Variants in FST observed in about 807,000 individuals in gnomAD.
FST encodes the protein activin-binding protein.
FST carries 6 observed loss-of-function variants against 38.4 expected under a neutral mutation model. The observed-to-expected ratio is 0.16, with a 90% CI of 0.09 to 0.31. The LOEUF (loss-of-function observed/expected upper bound fraction) is 0.31, where lower values mean the gene tolerates loss of function less well. FST is among the 10% of genes least tolerant of loss of function. The pLI, the probability that FST is intolerant of heterozygous loss-of-function variation, is 1.00. For synonymous variants in FST, 157 were observed against 169.8 expected (o/e 0.92, Z 0.59); for missense variants, 301 against 432.3 (o/e 0.70, Z 2.69).
intron 1 of FST, chr5:53,482,659 T>A: frequency 3.2e-5 from 13 of 409,854 alleles, no homozygotes; most frequent in Non-Finnish European, 4.0e-5. Context: ...CCACCTCCCA[T>A]CTCTGTGATC....
At position 53,480,802 on chromosome 5, in the gene FST, C is replaced by A; in HGVS notation, c.11C>A (p.Ala4Glu). 2 of 1,507,512 alleles carry A rather than the reference C, an allele frequency of 1.3e-6. No homozygotes were observed. The allele number at this position is 1,507,512 out of a possible 1,614,324, so 93.4% of individuals were successfully genotyped here. A position where few individuals can be genotyped will look rare whatever the true frequency, so the allele number is the denominator to read the frequency against. Residue 4 changes from alanine to glutamate, a missense_variant, in exon 1 of 6, where the codon GCG (alanine) becomes GAG (glutamate). Coordinates refer to ENST00000256759, the MANE Select transcript of FST (RefSeq NM_013409.3). MVR[A>E]RHQPGGLCLL... Reference sequence around the variant, plus strand: ...GCGCCTGCCCCCAGGATGGTCCGCGCGAGGCACCAGCCGGGTGGGCTTTGC... The same window carrying A: ...GCGCCTGCCCCCAGGATGGTCCGCGAGAGGCACCAGCCGGGTGGGCTTTGC...
chr5:53,484,360 TAACTAATAAGTAAAGCCCAA>T, intron 4 of FST, 67 bp downstream of exon 4: 1 of 1,531,154 alleles, frequency 6.5e-7, no homozygotes, highest in Non-Finnish European at 8.8e-7. Context: ...ACTGTGGGGT[TAACTAATAAGTAAAGCCCAA>T]GGCGTCCCCA....
rs754474265 is a variant in FST at position 53,485,196 on chromosome 5, A to C, written c.921A>C (p.Leu307=). The C allele has an allele frequency of 3.9e-5, 63 of 1,608,698 alleles. No homozygotes were observed. The highest frequency in any genetic ancestry group is 5.3e-5 in the Non-Finnish European group (62 of 1,175,146). The change falls in exon 5 of 6, where the codon CTA becomes CTC. Residue 307 remains leucine, a synonymous_variant. Coordinates refer to ENST00000256759, the MANE Select transcript of FST (RefSeq NM_013409.3). ...MKEAACSSGV[L]LEVKHSGSCN... The stretch of plus-strand genomic sequence containing the variant: ...AAGCTGCCTGCTCCTCAGGTGTGCT[A>C]CTGGAAGTAAAGCACTCCGGATCTT...
Position 53,486,872 on chromosome 5 carries a change from G to C in FST, c.*839G>C, listed in dbSNP as rs1202309103. 1 of 152,214 alleles carries C rather than the reference G, an allele frequency of 6.6e-6. No homozygotes were observed. Among genetic ancestry groups the C allele is most frequent in the Non-Finnish European group, 1.5e-5 (1 of 68,034 alleles). The allele number at this position is 152,214 out of a possible 1,614,324, so 9.4% of individuals were successfully genotyped here. A position where few individuals can be genotyped will look rare whatever the true frequency, so the allele number is the denominator to read the frequency against. On this transcript the variant is annotated 3_prime_UTR_variant, in exon 6 of 6. Coordinates refer to ENST00000256759, the MANE Select transcript of FST (RefSeq NM_013409.3). ...GGTGTTTCCTTTAAGCTACTCAGCT[G>C]TACCTTTTAAATTAGTTCTTTTTCA...
Position 53,483,703 on chromosome 5 carries a change from G to A in FST, c.477G>A (p.Gln159=), listed in dbSNP as rs757315989. ...AAGAGCAGCCAGAACTGGAAGTCCAGTACCAAGGCAGATGTAAAAGTAGGT... is the reference window on the plus strand; with the variant it reads ...AAGAGCAGCCAGAACTGGAAGTCCAATACCAAGGCAGATGTAAAAGTAGGT... The part of the protein sequence containing the change: ...RCKEQPELEV[Q]YQGRCKKTCR... Residue 159 remains glutamine, a synonymous_variant, in exon 3 of 6, where the codon CAG becomes CAA. Transcript: ENST00000256759. The surrounding 1 kb of genome is among the most constrained non-coding windows in gnomAD (Gnocchi z 4.1). The A allele has an allele frequency of 1.9e-6, 3 of 1,613,714 alleles. No individual in the cohort carries two copies. The highest frequency in any genetic ancestry group is 2.5e-6 in the Non-Finnish European group (3 of 1,179,596).
chr5:53,485,553 T>G lies in FST; in HGVS notation c.952+326T>G. 6 of 728,636 alleles carry G rather than the reference T, an allele frequency of 8.2e-6. 1 individual carries two copies. Among genetic ancestry groups the G allele is most frequent in the Non-Finnish European group, 1.5e-5 (6 of 407,862 alleles). 45.1% of individuals were successfully genotyped at this position (728,636 alleles called of 1,614,324 possible). The stretch of plus-strand genomic sequence containing the variant: ...AAACTAACTGCTTCAAAAGTTTTTT[T>G]TTTTTTTTTCCAACGACAGCTTCAT... On this transcript the variant is annotated intron_variant, in intron 5 of 5. Transcript: ENST00000256759.
In FST at chr5:53,486,535, C is replaced by G. The variant is rs1351461180; in HGVS notation, c.*502C>G. On this transcript the variant is annotated 3_prime_UTR_variant, in exon 6 of 6. Coordinates refer to ENST00000256759, the MANE Select transcript of FST (RefSeq NM_013409.3). The stretch of plus-strand genomic sequence containing the variant: ...TTCCACTTTCAACAAACTTGCATGT[C>G]AGTTTCTGTCATGTTTATTTATTGG... The G allele has an allele frequency of 6.5e-6, 1 of 153,104 alleles. No individual in the cohort carries two copies. Among genetic ancestry groups the G allele is most frequent in the Non-Finnish European group, 1.5e-5 (1 of 68,832 alleles). The allele number at this position is 153,104 out of a possible 1,614,324, so 9.5% of individuals were successfully genotyped here.
At position 53,486,250 on chromosome 5, in the gene FST, T is replaced by C; in HGVS notation, c.*217T>C. 1 of 406,482 alleles carries C rather than the reference T, an allele frequency of 2.5e-6. No individual in the cohort carries two copies. The highest frequency in any genetic ancestry group is 4.3e-5 in the Admixed American group (1 of 23,024). The allele number at this position is 406,482 out of a possible 1,614,324, so 25.2% of individuals were successfully genotyped here. ...ACACGGAGAGGCATTCATTGTGAGG[T>C]CTACTGGATGAGGCCCATAGTTGAG... On this transcript the variant is annotated 3_prime_UTR_variant, in exon 6 of 6. Coordinates refer to ENST00000256759, the MANE Select transcript of FST (RefSeq NM_013409.3).
chr5:53,480,887 G>T lies in FST; in HGVS notation c.85+11G>T. On this transcript the variant is annotated intron_variant, in intron 1 of 5. Coordinates refer to ENST00000256759, the MANE Select transcript of FST (RefSeq NM_013409.3). ...ACCGCAGTGCCCAGGGTAAGCGAGT[G>T]GGGATGCGCTGGGGAGGCTTGGCTG... 1 of 1,480,674 alleles carries T rather than the reference G, an allele frequency of 6.8e-7. No individual in the cohort carries two copies. 91.7% of individuals were successfully genotyped at this position (1,480,674 alleles called of 1,614,324 possible).
chr5:53,483,685 G>T lies in FST; in HGVS notation c.459G>T (p.Gln153His). 6.2e-7 allele frequency: 1 copy of T among 1,614,192 alleles called. No homozygotes were observed. The highest frequency in any genetic ancestry group is 8.5e-7 in the Non-Finnish European group (1 of 1,180,012). ...CALLKARCKE[Q>H]PELEVQYQGR... Reference sequence around the variant, plus strand: ...TCCTAAAGGCAAGATGTAAAGAGCAGCCAGAACTGGAAGTCCAGTACCAAG... The same window carrying T: ...TCCTAAAGGCAAGATGTAAAGAGCATCCAGAACTGGAAGTCCAGTACCAAG... Residue 153 changes from glutamine (Q) to histidine (H), a missense_variant, in exon 3 of 6, where the codon CAG (glutamine) becomes CAT (histidine). Physicochemically the swap from Gln to His is conservative, Grantham distance 24 (BLOSUM62 0). Transcript: ENST00000256759. This position sits in a 1 kb window ranked among gnomAD's most constrained non-coding sequence, Gnocchi z 4.1.
Position 53,486,078 on chromosome 5 carries a change from A to T in FST, c.*45A>T. The stretch of plus-strand genomic sequence containing the variant: ...TGTTGACATAGCCTTTGTGCAAAAA[A>T]AAAAAAAAAAAAAAAGAAAAAGAAA... On this transcript the variant is annotated 3_prime_UTR_variant, in exon 6 of 6. Coordinates refer to ENST00000256759, the MANE Select transcript of FST (RefSeq NM_013409.3). The T allele has an allele frequency of 1.4e-6, 1 of 712,398 alleles. No individual in the cohort carries two copies. The highest frequency in any genetic ancestry group is 2.2e-6 in the Non-Finnish European group (1 of 446,722). The allele number at this position is 712,398 out of a possible 1,614,324, so 44.1% of individuals were successfully genotyped here.
chr5:53,486,780 A>G lies in FST; in HGVS notation c.*747A>G, dbSNP rs1222023649. ...AATGTACTTTTAAGATGTTACAGATACAAAGAAATGATGTGGGTGTCAGGA... is the reference window on the plus strand; with the variant it reads ...AATGTACTTTTAAGATGTTACAGATGCAAAGAAATGATGTGGGTGTCAGGA... On this transcript the variant is annotated 3_prime_UTR_variant, in exon 6 of 6. Coordinates refer to ENST00000256759, the MANE Select transcript of FST (RefSeq NM_013409.3). 6.6e-6 allele frequency: 1 copy of G among 152,260 alleles called. No homozygotes were observed. Among genetic ancestry groups the G allele is most frequent in the Non-Finnish European group, 1.5e-5 (1 of 68,038 alleles). The allele number at this position is 152,260 out of a possible 1,614,324, so 9.4% of individuals were successfully genotyped here. A position where few individuals can be genotyped will look rare whatever the true frequency, so the allele number is the denominator to read the frequency against.
chr5:53,485,309 A>G, intron 5 of FST, 82 bp downstream of exon 5: 1 of 746,698 alleles, frequency 1.3e-6, no homozygotes, highest in East Asian at 2.5e-5. Context: ...AAGCACGCAG[A>G]TCTCCCATAA....
rs1747545541 is a variant in FST at position 53,486,206 on chromosome 5, C to G, written c.*173C>G. 2.1e-6 allele frequency: 1 copy of G among 472,902 alleles called. No individual in the cohort carries two copies. The highest frequency in any genetic ancestry group is 3.6e-6 in the Non-Finnish European group (1 of 274,174). The allele number at this position is 472,902 out of a possible 1,614,324, so 29.3% of individuals were successfully genotyped here. ...CTTTGTCCTAAAGCTCTCTCCCAGG[C>G]CACCTTGTTACTCATTGGACACGGA... is the stretch of plus-strand genomic sequence containing the variant. On this transcript the variant is annotated 3_prime_UTR_variant, in exon 6 of 6. Transcript: ENST00000256759.
intron 4 of FST, 103 bp downstream of exon 4, chr5:53,484,396 C>A: frequency 8.3e-7 from 1 of 1,198,702 alleles, no homozygotes; most frequent in Non-Finnish European, 1.2e-6. Flanking sequence ...CCCCAAACAC[C>A]ATAGGGAGAA....
At chr5:53,482,752 A>T (rs1579763059) in intron 1 of FST, 128 bp from the exon 2 acceptor site, 1 of 558,622 alleles carries the variant, frequency 1.8e-6, no homozygotes, top group Non-Finnish European at 3.2e-6. Flanking sequence ...CGTCTCTCTC[A>T]CTTCCCCTCC....
intron 4 of FST, 79 bp from the exon 5 acceptor site, chr5:53,484,918 T>C: frequency 2.7e-6 from 2 of 728,768 alleles, no homozygotes; most frequent in South Asian, 1.6e-5. Context: ...TTTATATTTA[T>C]TGATAGAGGA....
chr5:53,481,000 C>G (rs775633132), intron 1 of FST, 124 bp downstream of exon 1: 2 of 386,538 alleles, frequency 5.2e-6, no homozygotes, highest in Non-Finnish European at 4.8e-6. Flanking sequence ...AACTTGGGGA[C>G]TCCGGGATGG....
Position 53,480,791 on chromosome 5 carries a change from G to A in FST, c.-1G>A, listed in dbSNP as rs1172678795. ...CTCCTCGCCCCGCGCCTGCCCCCAG[G>A]ATGGTCCGCGCGAGGCACCAGCCGG... is the stretch of plus-strand genomic sequence containing the variant. On this transcript the variant is annotated 5_prime_UTR_variant, in exon 1 of 6. Coordinates refer to ENST00000256759, the MANE Select transcript of FST (RefSeq NM_013409.3). 7.4e-6 allele frequency: 11 copies of A among 1,491,712 alleles called. 1 individual carries two copies. Among genetic ancestry groups the A allele is most frequent in the South Asian group, 3.8e-5 (3 of 79,468 alleles). 92.4% of individuals were successfully genotyped at this position (1,491,712 alleles called of 1,614,324 possible).
Sources: allele counts gnomAD v4.1 joint callset, GRCh38; gene constraint gnomAD v4.1.1; non-coding constraint Gnocchi (gnomAD v3.1); transcripts MANE v1.5; gene names NCBI Gene and HGNC (gene_info 2026-07-23, HGNC 2026-07-21).